Variants in ZNF713 observed in about 807,000 individuals in gnomAD.
ZNF713 encodes the protein zinc finger protein 713.
In ZNF713, 21 loss-of-function variants were observed where a neutral mutation model predicts 28.7. The observed-to-expected ratio is 0.73, with a 90% CI of 0.52 to 1.05. ZNF713 has a LOEUF of 1.05. ZNF713 is among the 50% of genes least tolerant of loss of function. The pLI, the probability that ZNF713 is intolerant of heterozygous loss-of-function variation, is 0.00. For synonymous variants in ZNF713, 167 were observed against 178.0 expected (o/e 0.94, Z 0.49); for missense variants, 458 against 532.4 (o/e 0.86, Z 1.37).
intron 6 of ZNF713, among the ~76,000 whole-genome samples, chr7:55,931,417 A>G (rs771700865): frequency 3.3e-5 from 5 of 152,242 alleles, no homozygotes; most frequent in Non-Finnish European, 7.3e-5. Flanking sequence ...CTACTGAATT[A>G]AAGTCATAAC....
At chr7:55,893,172 C>T (rs974947838) in intron 1 of ZNF713, among the ~76,000 whole-genome samples, 5 of 152,182 alleles carry the variant, frequency 3.3e-5, no homozygotes, top group East Asian at 1.9e-4. Flanking sequence ...CGTGAGCTAC[C>T]GCGCCCGGAC....
chr7:55,935,447 T>G (rs892058907), intron 6 of ZNF713, among the ~76,000 whole-genome samples: 1 of 152,172 alleles, frequency 6.6e-6, no homozygotes, highest in Non-Finnish European at 1.5e-5. Context: ...TATCCTGTTT[T>G]GGTTTAAAAA....
At chr7:55,904,047 G>A (rs1421386623) in intron 1 of ZNF713, among the ~76,000 whole-genome samples, 1 of 150,940 alleles carries the variant, frequency 6.6e-6, no homozygotes, top group Non-Finnish European at 1.5e-5. Flanking sequence ...AACCTAAGAA[G>A]CAGCAACACA....
chr7:55,893,073 C>CG (rs1167387814), intron 1 of ZNF713, among the ~76,000 whole-genome samples: 1 of 151,440 alleles, frequency 6.6e-6, no homozygotes, highest in African/African-American at 2.4e-5. Context: ...TTAGTAGAGA[C>CG]GGGGTTTCAC....
chr7:55,887,839 G>GGGCGGCGGGCGGCGGCGGCGGC (rs1785294619), intron 1 of ZNF713, among the ~76,000 whole-genome samples, 159 bp downstream of exon 1: 1 of 15,512 alleles, frequency 6.4e-5, no homozygotes, highest in Admixed American at 5.0e-4. Context: ...GGCGGGCGGC[G>GGGCGGCGGGCGGCGGCGGCGGC]GGCGGCGGCG....
At chr7:55,935,833 T>C (rs1786334285) in intron 6 of ZNF713, among the ~76,000 whole-genome samples, 1 of 151,776 alleles carries the variant, frequency 6.6e-6, no homozygotes, top group Admixed American at 6.6e-5. Context: ...CGGGCACCTA[T>C]AGTCCCAGCT....
At chr7:55,928,695 C>T (rs1012160038) in intron 6 of ZNF713, among the ~76,000 whole-genome samples, 1 of 152,092 alleles carries the variant, frequency 6.6e-6, no homozygotes, top group African/African-American at 2.4e-5. Context: ...AATAAAACAC[C>T]TAGGAATAAA....
intron 4 of ZNF713, among the ~76,000 whole-genome samples, chr7:55,914,827 A>T (rs1379473599): frequency 6.6e-6 from 1 of 152,072 alleles, no homozygotes; most frequent in Non-Finnish European, 1.5e-5. Context: ...TTTGGGTTTC[A>T]AGGGATAGAT....
At chr7:55,937,185 A>G (rs187252455) in intron 6 of ZNF713, among the ~76,000 whole-genome samples, 1 of 152,268 alleles carries the variant, frequency 6.6e-6, no homozygotes, top group African/African-American at 2.4e-5. Flanking sequence ...CTGTGGTCCC[A>G]GCTGCTCAGG....
chr7:55,890,374 C>T (rs997189486), intron 1 of ZNF713, among the ~76,000 whole-genome samples: 4 of 150,484 alleles, frequency 2.7e-5, no homozygotes, highest in South Asian at 4.2e-4. Context: ...TGCTTGAACC[C>T]GGGAGGCAGA....
intron 4 of ZNF713, among the ~76,000 whole-genome samples, chr7:55,922,859 C>T (rs1786018366): frequency 6.6e-6 from 1 of 152,082 alleles, no homozygotes; most frequent in Non-Finnish European, 1.5e-5. Context: ...CTGAACTGAA[C>T]CCACAATATC....
At chr7:55,918,259 G>A (rs746669335) in intron 4 of ZNF713, 9 of 273,444 alleles carry the variant, frequency 3.3e-5, no homozygotes, top group South Asian at 2.0e-4. Flanking sequence ...AGCCCTAGCC[G>A]AGCTCCCAGC....
intron 4 of ZNF713, among the ~76,000 whole-genome samples, chr7:55,916,601 A>G (rs1291470878): frequency 6.6e-6 from 1 of 152,222 alleles, no homozygotes; most frequent in Non-Finnish European, 1.5e-5. Context: ...CCTGGCATAT[A>G]TATAGGAAGC....
chr7:55,933,963 C>T (rs998836857), intron 6 of ZNF713, among the ~76,000 whole-genome samples: 2 of 152,116 alleles, frequency 1.3e-5, no homozygotes, highest in Non-Finnish European at 2.9e-5. Flanking sequence ...CCTTGGCCTC[C>T]CAAAGTGCTG....
intron 6 of ZNF713, among the ~76,000 whole-genome samples, chr7:55,926,568 G>C (rs937438599): frequency 2.6e-5 from 4 of 152,200 alleles, no homozygotes; most frequent in Non-Finnish European, 1.5e-5. Context: ...AGCTTATGCA[G>C]TCTAATTCTG....
In ZNF713 at chr7:55,940,954, T is replaced by G. The variant is rs1786457699; in HGVS notation, c.*948T>G. 1.3e-5 allele frequency: 2 copies of G among 148,538 alleles called. No individual in the cohort carries two copies. Among genetic ancestry groups the G allele is most frequent in the Admixed American group, 6.7e-5 (1 of 14,928 alleles). 9.2% of individuals were successfully genotyped at this position (148,538 alleles called of 1,614,324 possible). The stretch of plus-strand genomic sequence containing the variant: ...CTTCAGCCTCCCGAGTAGCTGGGAC[T>G]ACAGGTGCGTACCACCACGCCTGGC... On this transcript the variant is annotated 3_prime_UTR_variant, in exon 7 of 7. Transcript: ENST00000429591.
At chr7:55,912,323 A>G (rs1418713687) in intron 3 of ZNF713, among the ~76,000 whole-genome samples, 1 of 152,214 alleles carries the variant, frequency 6.6e-6, no homozygotes, top group East Asian at 1.9e-4. Context: ...CAGATCAATT[A>G]AATCCAAATC....
intron 1 of ZNF713, among the ~76,000 whole-genome samples, chr7:55,901,754 A>G (rs1216415350): frequency 6.6e-6 from 1 of 152,250 alleles, no homozygotes; most frequent in African/African-American, 2.4e-5. Flanking sequence ...TTAAGTGAAC[A>G]CAAAGGATTT....
intron 6 of ZNF713, among the ~76,000 whole-genome samples, chr7:55,927,380 G>A (rs1439089931): frequency 3.3e-5 from 5 of 151,628 alleles, no homozygotes; most frequent in Admixed American, 6.6e-5. Flanking sequence ...ATTAAAAGCC[G>A]GATGTGGAGG....
Sources: gnomAD v4.1 joint callset for allele counts (sites outside exome capture counted in the v4.1 genomes callset) on GRCh38, gnomAD v4.1.1 for gene constraint, MANE v1.5 for transcripts, NCBI Gene and HGNC (gene_info 2026-07-23, HGNC 2026-07-21) for gene names.